PVT1: variants seen among roughly 807,000 people sequenced by gnomAD.
PVT1 encodes CXCR4/PVT1 fusion.
intron 3 of PVT1, among the ~76,000 whole-genome samples, chr8:127,965,012 T>C (rs1478170138): frequency 1.3e-5 from 2 of 152,030 alleles, no homozygotes; most frequent in East Asian, 1.9e-4. Flanking sequence ...AATAAGGTCA[T>C]AGGCACCAGA....
chr8:127,998,715 C>T (rs779314454), intron 4 of PVT1, among the ~76,000 whole-genome samples: 1 of 144,840 alleles, frequency 6.9e-6, no homozygotes, highest in Non-Finnish European at 1.5e-5. Flanking sequence ...TTCTTTCTTT[C>T]CTTCCTTTCT....
chr8:127,966,177 G>A (rs186900984), intron 3 of PVT1, among the ~76,000 whole-genome samples: 14 of 152,284 alleles, frequency 9.2e-5, no homozygotes, highest in Non-Finnish European at 7.4e-5. Flanking sequence ...GAATGCAAAC[G>A]TTAATAGTAC....
At chr8:127,812,898 A>G (rs1236863415) in intron 2 of PVT1, among the ~76,000 whole-genome samples, 2 of 152,118 alleles carry the variant, frequency 1.3e-5, no homozygotes, top group Non-Finnish European at 2.9e-5. Context: ...CAGGGAACAA[A>G]CAAGAGGAAC....
intron 1 of PVT1, chr8:127,795,835 T>G (rs1246775398): frequency 6.0e-6 from 1 of 167,692 alleles, no homozygotes; most frequent in Non-Finnish European, 1.5e-5. Context: ...TCTAAAGCTC[T>G]GATCAGTCAA....
chr8:127,832,470 A>G (rs1208158249), intron 2 of PVT1, among the ~76,000 whole-genome samples: 1 of 152,250 alleles, frequency 6.6e-6, no homozygotes, highest in African/African-American at 2.4e-5. Context: ...TGCCTGGTTC[A>G]GCAAGTGGTT....
chr8:128,074,209 T>G (rs539097526), intron 5 of PVT1, among the ~76,000 whole-genome samples: 1 of 152,076 alleles, frequency 6.6e-6, no homozygotes, highest in Non-Finnish European at 1.5e-5. Context: ...TTTGCCCATA[T>G]AGAAAAGCAT....
intron 4 of PVT1, among the ~76,000 whole-genome samples, chr8:128,006,258 G>A (rs1392343873): frequency 6.6e-6 from 1 of 151,990 alleles, no homozygotes; most frequent in Non-Finnish European, 1.5e-5. Context: ...AGTGAGGGAA[G>A]TTTCAAAAGA....
chr8:127,932,583 C>G (rs1816221064), intron 3 of PVT1: 1 of 398,552 alleles, frequency 2.5e-6, no homozygotes, highest in Non-Finnish European at 4.4e-6. Context: ...CACTGGACTC[C>G]CATTGAACTC....
intron 2 of PVT1, among the ~76,000 whole-genome samples, chr8:127,868,794 C>CATATATATGT (rs1815318735): frequency 1.1e-4 from 1 of 8,970 alleles, no homozygotes; most frequent in African/African-American, 4.0e-4. Context: ...TATATATATA[C>CATATATATGT]ATATATATGT....
chr8:127,928,127 A>G (rs1320032533), intron 3 of PVT1, among the ~76,000 whole-genome samples: 3 of 152,176 alleles, frequency 2.0e-5, no homozygotes. Flanking sequence ...AGTTTTAGCA[A>G]AAAACTCTGC....
intron 3 of PVT1, chr8:127,948,644 T>A (rs1369284504): frequency 1.1e-4 from 16 of 152,068 alleles, no homozygotes; most frequent in Admixed American, 1.0e-3. Flanking sequence ...GACTGGTGGG[T>A]GTCCTTATCA....
intron 3 of PVT1, among the ~76,000 whole-genome samples, chr8:127,923,224 C>T (rs1487701077): frequency 2.6e-5 from 4 of 152,304 alleles, no homozygotes; most frequent in Middle Eastern, 3.4e-3. Flanking sequence ...TTCATCATAG[C>T]GATGCTGGCT....
chr8:127,833,921 A>G (rs1303019188), intron 2 of PVT1, among the ~76,000 whole-genome samples: 1 of 152,116 alleles, frequency 6.6e-6, no homozygotes, highest in African/African-American at 2.4e-5. Context: ...AGACAGCTGG[A>G]CCCCTCCCTA....
intron 2 of PVT1, among the ~76,000 whole-genome samples, chr8:127,879,389 C>T (rs28558357): frequency 0.02 from 2,977 of 152,150 alleles, 98 homozygotes; most frequent in African/African-American, 0.067. Flanking sequence ...ATTAGCCGGG[C>T]GTGGTGGCAG....
At chr8:127,905,334 T>G (rs1297403465) in intron 3 of PVT1, among the ~76,000 whole-genome samples, 2 of 152,222 alleles carry the variant, frequency 1.3e-5, no homozygotes, top group Non-Finnish European at 2.9e-5. Flanking sequence ...CTATCTCTTC[T>G]GGGCACAGAT....
At chr8:128,038,698 TGCAAAAATATGCTCTGCAGTAG>T (rs1813493327) in intron 4 of PVT1, among the ~76,000 whole-genome samples, 6 of 152,138 alleles carry the variant, frequency 3.9e-5, no homozygotes. Context: ...CTCTATTGCT[TGCAAAAATATGCTCTGCAGTAG>T]GCTGTGTCTT....
At chr8:127,931,989 G>A (rs1290456332) in intron 3 of PVT1, among the ~76,000 whole-genome samples, 2 of 152,352 alleles carry the variant, frequency 1.3e-5, no homozygotes, top group South Asian at 2.1e-4. Flanking sequence ...ACTTCACAGG[G>A]CCTCTTTGCC....
chr8:127,961,767 C>T (rs79493212), intron 3 of PVT1, among the ~76,000 whole-genome samples: 2,015 of 152,336 alleles, frequency 0.013, 34 homozygotes, highest in East Asian at 0.038. Context: ...CCATGGTGTT[C>T]CTCTTTAAAC....
intron 3 of PVT1, among the ~76,000 whole-genome samples, chr8:127,971,025 A>G (rs1816759297): frequency 6.6e-6 from 1 of 152,230 alleles, no homozygotes; most frequent in South Asian, 2.1e-4. Flanking sequence ...CTTAGGTACC[A>G]TTATAACAGC....
Sources: allele counts gnomAD v4.1 joint callset (sites outside exome capture counted in the v4.1 genomes callset), GRCh38; gene constraint gnomAD v4.1.1; transcripts MANE v1.5; gene names NCBI Gene and HGNC (gene_info 2026-07-23, HGNC 2026-07-21).